Variants in NEMP2 observed in about 807,000 individuals in gnomAD.
The protein encoded by NEMP2 is nuclear envelope integral membrane protein 2, also known as UPF0571 transmembrane protein.
NEMP2 carries 53 observed loss-of-function variants against 54.2 expected under a neutral mutation model. The ratio of observed to expected loss-of-function variants is 0.98; its 90% confidence interval spans 0.78 to 1.23. The LOEUF (loss-of-function observed/expected upper bound fraction) is 1.23, where lower values mean the gene tolerates loss of function less well. Among genes scored for constraint, NEMP2 ranks in the 50% most tolerant of loss-of-function variants. NEMP2 has a pLI of 0.00. For missense variants in NEMP2, 455 were observed against 511.3 expected (o/e 0.89, Z 1.06); for synonymous variants, 197 against 190.3 (o/e 1.04, Z -0.29).
chr2:190,446,739 C>T, the NEMP2 span, among the ~76,000 whole-genome samples: 1 of 152,278 alleles, frequency 6.6e-6, no homozygotes, highest in Non-Finnish European at 1.5e-5. Context: ...TCTGCTCAAC[C>T]CAAAACTACA....
rs553089247 is a variant in NEMP2 at position 190,508,703 on chromosome 2, T to C, written c.*486A>G. On this transcript the variant is annotated 3_prime_UTR_variant, in exon 9 of 9. Transcript: ENST00000409150. This position sits in a 1 kb window ranked among gnomAD's most constrained non-coding sequence, Gnocchi z 4.3. The stretch of plus-strand genomic sequence containing the variant: ...CTTAGTTGACCTCAGAATACCTTTA[T>C]TGACCAACACTTGGTAGTAGCCTGT... 58 of 154,480 alleles carry C rather than the reference T, an allele frequency of 3.8e-4. 1 individual carries two copies. Among genetic ancestry groups the C allele is most frequent in the South Asian group, 1.2e-3 (6 of 4,960 alleles). 9.6% of individuals were successfully genotyped at this position (154,480 alleles called of 1,614,324 possible). A position where few individuals can be genotyped will look rare whatever the true frequency, so the allele number is the denominator to read the frequency against.
the NEMP2 span, among the ~76,000 whole-genome samples, chr2:190,572,233 G>T: frequency 1.3e-5 from 2 of 151,992 alleles, no homozygotes; most frequent in South Asian, 4.1e-4. Context: ...AATAATAAAA[G>T]TTAGAATAAA....
chr2:190,431,725 G>GGAGGGA, the NEMP2 span, among the ~76,000 whole-genome samples: 7 of 151,970 alleles, frequency 4.6e-5, no homozygotes, highest in African/African-American at 4.8e-5. The surrounding 1 kb of genome is among the most constrained non-coding windows in gnomAD (Gnocchi z 4.4). Flanking sequence ...GTGGGGAGAG[G>GGAGGGA]GAGGGAGAGG....
chr2:190,465,870 G>A, the NEMP2 span, among the ~76,000 whole-genome samples: 2 of 152,170 alleles, frequency 1.3e-5, no homozygotes, highest in African/African-American at 4.8e-5. The surrounding 1 kb of genome is among the most constrained non-coding windows in gnomAD (Gnocchi z 4.6). Flanking sequence ...GCATGCACCT[G>A]TAATCTCAGC....
the NEMP2 span, among the ~76,000 whole-genome samples, chr2:190,481,859 C>T: frequency 6.6e-6 from 1 of 152,222 alleles, no homozygotes; most frequent in African/African-American, 2.4e-5. Flanking sequence ...GTCCATTGCT[C>T]TTTGTAGGAT....
the NEMP2 span, among the ~76,000 whole-genome samples, chr2:190,599,313 C>T: frequency 6.6e-6 from 1 of 152,146 alleles, no homozygotes; most frequent in Non-Finnish European, 1.5e-5. Flanking sequence ...CTATTTACTA[C>T]TTGGCATCAA....
the NEMP2 span, among the ~76,000 whole-genome samples, chr2:190,601,069 C>T: frequency 1.3e-5 from 2 of 151,974 alleles, no homozygotes; most frequent in Non-Finnish European, 2.9e-5. This position sits in a 1 kb window ranked among gnomAD's most constrained non-coding sequence, Gnocchi z 5.8. Context: ...AAAATGTGAC[C>T]CTATGTGGAA....
At chr2:190,574,121 A>G in the NEMP2 span, among the ~76,000 whole-genome samples, 1 of 152,098 alleles carries the variant, frequency 6.6e-6, no homozygotes, top group African/African-American at 2.4e-5. Flanking sequence ...TGCTATTTAC[A>G]TCATTGTGTG....
the NEMP2 span, among the ~76,000 whole-genome samples, chr2:190,631,293 T>C: frequency 6.6e-6 from 1 of 152,308 alleles, no homozygotes; most frequent in African/African-American, 2.4e-5. Flanking sequence ...TTGCTGGTTG[T>C]GTGGAATGGG....
At chr2:190,570,148 AC>A in the NEMP2 span, among the ~76,000 whole-genome samples, 2 of 152,248 alleles carry the variant, frequency 1.3e-5, no homozygotes, top group Non-Finnish European at 2.9e-5. The surrounding 1 kb of genome is among the most constrained non-coding windows in gnomAD (Gnocchi z 5.4). Flanking sequence ...GTTGGGAAGC[AC>A]TGCCTTGAAC....
the NEMP2 span, among the ~76,000 whole-genome samples, chr2:190,421,859 CT>C: frequency 6.6e-6 from 1 of 152,036 alleles, no homozygotes. Flanking sequence ...ATTCTTGTAT[CT>C]GTATTTCTTG....
chr2:190,427,124 G>A, the NEMP2 span, among the ~76,000 whole-genome samples: 1 of 152,206 alleles, frequency 6.6e-6, no homozygotes, highest in Non-Finnish European at 1.5e-5. Flanking sequence ...TGTAACTCCT[G>A]ACATCACCCC....
chr2:190,577,012 G>A, the NEMP2 span, among the ~76,000 whole-genome samples: 18 of 152,104 alleles, frequency 1.2e-4, no homozygotes, highest in African/African-American at 3.9e-4. The surrounding 1 kb of genome is among the most constrained non-coding windows in gnomAD (Gnocchi z 4.8). Flanking sequence ...ATAATACACT[G>A]GGCTGAGAAC....
Position 190,520,481 on chromosome 2 carries a change from C to T in NEMP2, c.214-1298G>A, listed in dbSNP as rs1176575261. On this transcript the variant is annotated intron_variant, in intron 2 of 8. Coordinates refer to ENST00000409150, the MANE Select transcript of NEMP2 (RefSeq NM_001142645.2). This position sits in a 1 kb window ranked among gnomAD's most constrained non-coding sequence, Gnocchi z 5.4. Reference sequence around the variant, plus strand: ...ACCCTGAAAAGGGGAGTAAGAGCACCAGCTTTGAATCTCAGGCATCAGGTA... The same window carrying T: ...ACCCTGAAAAGGGGAGTAAGAGCACTAGCTTTGAATCTCAGGCATCAGGTA... Among the ~76,000 whole-genome samples, 1 of 152,188 alleles carries T rather than the reference C, an allele frequency of 6.6e-6. No homozygotes were observed. The highest frequency in any genetic ancestry group is 2.4e-5 in the African/African-American group (1 of 41,434).
the NEMP2 span, among the ~76,000 whole-genome samples, chr2:190,595,042 G>A: frequency 6.6e-6 from 1 of 152,030 alleles, no homozygotes; most frequent in Non-Finnish European, 1.5e-5. This position sits in a 1 kb window ranked among gnomAD's most constrained non-coding sequence, Gnocchi z 4.0. Context: ...AAAGCTTGCC[G>A]AGTACACTCG....
At chr2:190,433,570 A>G in the NEMP2 span, among the ~76,000 whole-genome samples, 6 of 152,226 alleles carry the variant, frequency 3.9e-5, no homozygotes, top group African/African-American at 1.4e-4. This position sits in a 1 kb window ranked among gnomAD's most constrained non-coding sequence, Gnocchi z 4.5. Flanking sequence ...ATTACCGCTG[A>G]ATTGTTCACT....
the NEMP2 span, among the ~76,000 whole-genome samples, chr2:190,632,493 T>C: frequency 6.6e-6 from 1 of 152,254 alleles, no homozygotes; most frequent in Admixed American, 6.5e-5. This position sits in a 1 kb window ranked among gnomAD's most constrained non-coding sequence, Gnocchi z 4.8. Context: ...GGTTTGCTGA[T>C]TCCTAATGAT....
At chr2:190,474,696 A>G in the NEMP2 span, among the ~76,000 whole-genome samples, 2 of 152,232 alleles carry the variant, frequency 1.3e-5, no homozygotes, top group Non-Finnish European at 2.9e-5. Flanking sequence ...AAAAGAGGGA[A>G]TCCTCCCTAA....
At chr2:190,448,876 T>A in the NEMP2 span, among the ~76,000 whole-genome samples, 2 of 152,196 alleles carry the variant, frequency 1.3e-5, no homozygotes, top group African/African-American at 4.8e-5. Context: ...TGGGAAATAG[T>A]TTGAAACCCA....
Sources: gnomAD v4.1 joint callset for allele counts (sites outside exome capture counted in the v4.1 genomes callset) on GRCh38, gnomAD v4.1.1 for gene constraint, Gnocchi (gnomAD v3.1) non-coding constraint, MANE v1.5 for transcripts, NCBI Gene and HGNC (gene_info 2026-07-23, HGNC 2026-07-21) for gene names.